Variants in SWAP70 observed in about 807,000 individuals in gnomAD.
The protein encoded by SWAP70 is switching B cell complex subunit SWAP70.
A neutral mutation model predicts 80.2 loss-of-function variants in SWAP70; 34 were observed. The observed-to-expected ratio is 0.42, with a 90% confidence interval of 0.32 to 0.56. SWAP70 has a LOEUF of 0.56. Ranked by LOEUF, SWAP70 falls within the 20% of genes least tolerant of loss-of-function variation. The pLI is 0.09. For missense variants in SWAP70, 578 were observed against 690.7 expected, an observed-to-expected ratio of 0.84 and a Z score of 1.83; for synonymous variants, 239 against 238.5, an observed-to-expected ratio of 1.00 and a Z score of -0.02.
intron 1 of SWAP70, among the ~76,000 whole-genome samples, chr11:9,675,826 G>C (rs569814047): frequency 7.9e-5 from 12 of 152,158 alleles, no homozygotes; most frequent in Middle Eastern, 3.4e-3. Flanking sequence ...AACTTGACTG[G>C]CTCCCCACCT....
chr11:9,719,956 C>T, intron 3 of SWAP70: 2 of 434,380 alleles, frequency 4.6e-6, no homozygotes, highest in Non-Finnish European at 3.1e-6. Context: ...AATTTTGGAA[C>T]TGAAGGCCTC....
chr11:9,681,037 C>T (rs10840287), intron 1 of SWAP70: 30,305 of 158,038 alleles, frequency 0.19, 3,679 homozygotes, highest in Non-Finnish European at 0.27. Context: ...ACTCCATGTG[C>T]GTCCCTCCCA....
At chr11:9,744,156 G>T (rs564107175) in intron 9 of SWAP70, among the ~76,000 whole-genome samples, 2 of 152,040 alleles carry the variant, frequency 1.3e-5, no homozygotes, top group South Asian at 4.1e-4. Flanking sequence ...TAGAGACGGG[G>T]TTTAACCGTG....
At chr11:9,735,091 TA>T (rs1162054238) in intron 7 of SWAP70, among the ~76,000 whole-genome samples, 1 of 152,218 alleles carries the variant, frequency 6.6e-6, no homozygotes, top group Non-Finnish European at 1.5e-5. Flanking sequence ...TTGTTTCTTT[TA>T]AAAAATATAA....
Position 9,732,573 on chromosome 11 carries a change from C to G in SWAP70, c.943C>G (p.Pro315Ala). The change falls in exon 7 of 12, where the codon CCA becomes GCA. Residue 315 changes from proline to alanine, a missense_variant. Pro to Ala is a conservative substitution (Grantham distance 27). Coordinates refer to ENST00000318950, the MANE Select transcript of SWAP70 (RefSeq NM_015055.4). ...TCTGTTGAAGCTGGGCAGCCCTCCA[C>G]CACACAAAGAAGCCCGCCAGCGTCG... Reference protein sequence around the residue: ...IHLLKLGSPPPHKEARQRRKE... With the variant: ...IHLLKLGSPPAHKEARQRRKE... 6.2e-7 allele frequency: 1 copy of G among 1,606,560 alleles called. No homozygotes were observed. The highest frequency in any genetic ancestry group is 8.5e-7 in the Non-Finnish European group (1 of 1,175,808).
intron 2 of SWAP70, among the ~76,000 whole-genome samples, chr11:9,697,820 G>A (rs984245916): frequency 3.9e-5 from 6 of 152,044 alleles, no homozygotes; most frequent in African/African-American, 7.2e-5. Flanking sequence ...TTGCTCTGTC[G>A]CATAGGCTGA....
At chr11:9,730,320 C>T (rs921757298) in intron 6 of SWAP70, among the ~76,000 whole-genome samples, 5 of 126,872 alleles carry the variant, frequency 3.9e-5, no homozygotes, top group African/African-American at 5.9e-5. Flanking sequence ...GAAACCCCGT[C>T]TCTACTTAAA....
chr11:9,707,368 T>G (rs540187513), intron 2 of SWAP70, among the ~76,000 whole-genome samples: 18 of 152,228 alleles, frequency 1.2e-4, no homozygotes, highest in African/African-American at 4.3e-4. Flanking sequence ...TTAAAGTGTG[T>G]TTGATTACTT....
intron 6 of SWAP70, among the ~76,000 whole-genome samples, chr11:9,729,695 T>C (rs1282169492): frequency 6.6e-6 from 1 of 152,144 alleles, no homozygotes; most frequent in Admixed American, 6.5e-5. Flanking sequence ...GGTTTCACCA[T>C]GTTGGTCACG....
intron 1 of SWAP70, among the ~76,000 whole-genome samples, chr11:9,678,917 C>A (rs1000268291): frequency 3.3e-5 from 5 of 152,114 alleles, no homozygotes; most frequent in Non-Finnish European, 2.9e-5. Flanking sequence ...CCTCAGCTTC[C>A]TTTTTCTTCC....
At chr11:9,743,880 G>A (rs1851475514) in intron 9 of SWAP70, among the ~76,000 whole-genome samples, 1 of 151,016 alleles carries the variant, frequency 6.6e-6, no homozygotes, top group Non-Finnish European at 1.5e-5. Context: ...AAAAGACAGT[G>A]TCTTAAAAAA....
chr11:9,740,251 G>T lies in SWAP70; in HGVS notation c.1259G>T (p.Arg420Leu). ...SELEQYLQRV[R>L]ELEDMYLKLQ... ...CTGGAACAGTATTTACAGCGAGTAC[G>T]GGAGCTGGAAGACATGTACCTAAAG... The change falls in exon 9 of 12, where the codon CGG becomes CTG. Residue 420 changes from arginine to leucine, a missense_variant. Coordinates refer to ENST00000318950, the MANE Select transcript of SWAP70 (RefSeq NM_015055.4). 1 of 1,614,164 alleles carries T rather than the reference G, an allele frequency of 6.2e-7. No homozygotes were observed. Among genetic ancestry groups the T allele is most frequent in the Non-Finnish European group, 8.5e-7 (1 of 1,180,018 alleles).
At chr11:9,719,404 C>T (rs765517239) in intron 3 of SWAP70, among the ~76,000 whole-genome samples, 1 of 151,954 alleles carries the variant, frequency 6.6e-6, no homozygotes, top group Non-Finnish European at 1.5e-5. Context: ...GGCAGTTAGC[C>T]AGGTGTGGTG....
intron 1 of SWAP70, among the ~76,000 whole-genome samples, chr11:9,686,233 TC>T (rs1243253225): frequency 6.6e-6 from 1 of 151,704 alleles, no homozygotes; most frequent in Non-Finnish European, 1.5e-5. Context: ...CTTTCTCCCT[TC>T]CCCCATCATG....
intron 1 of SWAP70, among the ~76,000 whole-genome samples, chr11:9,671,776 T>TATTATATATTTATAAATATATAATATA (rs1565109918): frequency 2.8e-4 from 8 of 28,582 alleles, no homozygotes; most frequent in Admixed American, 7.3e-4. Context: ...AATATAAATA[T>TATTATATATTTATAAATATATAATATA]AATATATTAT....
At chr11:9,692,000 T>G (rs1174389622) in intron 1 of SWAP70, among the ~76,000 whole-genome samples, 1 of 152,216 alleles carries the variant, frequency 6.6e-6, no homozygotes, top group East Asian at 1.9e-4. Flanking sequence ...AGTTACATTT[T>G]ACTTCCTCTG....
At chr11:9,709,648 T>C (rs1850969792) in intron 2 of SWAP70, among the ~76,000 whole-genome samples, 1 of 152,136 alleles carries the variant, frequency 6.6e-6, no homozygotes, top group Non-Finnish European at 1.5e-5. Flanking sequence ...CCACCATGCC[T>C]GGCTAATTTT....
chr11:9,747,940 G>A lies in SWAP70; in HGVS notation c.1438G>A (p.Ala480Thr). 1 of 1,614,204 alleles carries A rather than the reference G, an allele frequency of 6.2e-7. No individual in the cohort carries two copies. The highest frequency in any genetic ancestry group is 8.5e-7 in the Non-Finnish European group (1 of 1,180,042). The change falls in exon 10 of 12, where the codon GCG becomes ACG. Residue 480 changes from alanine (A) to threonine (T), a missense_variant. By Grantham distance (58) the Ala-to-Thr change is moderately conservative. Coordinates refer to ENST00000318950, the MANE Select transcript of SWAP70 (RefSeq NM_015055.4). Reference protein sequence around the residue: ...EQQQAIQTTEAEKQELENQRV... With the variant: ...EQQQAIQTTETEKQELENQRV... ...GCAGCAGGCCATTCAGACAACCGAGGCGGAGAAGCAGGAGTTGGAGAATCA... is the reference window on the plus strand; with the variant it reads ...GCAGCAGGCCATTCAGACAACCGAGACGGAGAAGCAGGAGTTGGAGAATCA...
chr11:9,698,497 C>G (rs916280514), intron 2 of SWAP70, among the ~76,000 whole-genome samples: 1 of 152,012 alleles, frequency 6.6e-6, no homozygotes, highest in Admixed American at 6.6e-5. Context: ...CTCTGCCTCC[C>G]GGGCTCAAGC....
Sources: allele counts gnomAD v4.1 joint callset (sites outside exome capture counted in the v4.1 genomes callset), GRCh38; gene constraint gnomAD v4.1.1; transcripts MANE v1.5; gene names NCBI Gene and HGNC (gene_info 2026-07-23, HGNC 2026-07-21).